Variants in DLGAP2 observed in about 807,000 individuals in gnomAD.
DLGAP2 encodes DLG associated protein 2.
DLGAP2 carries 26 observed loss-of-function variants against 100.3 expected under a neutral mutation model. The ratio of observed to expected loss-of-function variants is 0.26; its 90% CI spans 0.19 to 0.36. The LOEUF (loss-of-function observed/expected upper bound fraction) is 0.36. Ranked by LOEUF, DLGAP2 falls within the 10% of genes least tolerant of loss-of-function variation. The pLI is 1.00. For synonymous variants in DLGAP2, 886 were observed against 630.1 expected (o/e 1.41, Z -6.08); for missense variants, 1,858 against 1,453.2 (o/e 1.28, Z -4.53).
At chr8:1,695,880 C>T (rs371247594) in intron 13 of DLGAP2, among the ~76,000 whole-genome samples, 27 of 152,360 alleles carry the variant, frequency 1.8e-4, no homozygotes, top group African/African-American at 5.5e-4. Flanking sequence ...AGGCTGAGTT[C>T]GGGCTCCCAG....
At chr8:971,855 C>A (rs1563121287) in intron 2 of DLGAP2, among the ~76,000 whole-genome samples, 1 of 152,122 alleles carries the variant, frequency 6.6e-6, no homozygotes, top group Non-Finnish European at 1.5e-5. Flanking sequence ...CTTCCTTACA[C>A]AGGGGGAAGA....
chr8:1,382,015 CT>C, intron 3 of DLGAP2, among the ~76,000 whole-genome samples: 1 of 152,024 alleles, frequency 6.6e-6, no homozygotes, highest in Non-Finnish European at 1.5e-5. Context: ...ACAGTTGACC[CT>C]CATAAAAAAG....
intron 3 of DLGAP2, among the ~76,000 whole-genome samples, chr8:1,327,320 G>A (rs1167059280): frequency 6.6e-6 from 1 of 152,252 alleles, no homozygotes; most frequent in Admixed American, 6.5e-5. Flanking sequence ...CACACCTGTG[G>A]CTCCACGGGG....
chr8:1,298,449 G>T (rs1800245041), intron 3 of DLGAP2, among the ~76,000 whole-genome samples: 2 of 152,174 alleles, frequency 1.3e-5, no homozygotes. Flanking sequence ...CTGTACTGGG[G>T]TATAAATACG....
chr8:1,304,816 A>G (rs147266023), intron 3 of DLGAP2, among the ~76,000 whole-genome samples: 23 of 152,328 alleles, frequency 1.5e-4, no homozygotes, highest in Non-Finnish European at 3.4e-4. Context: ...ATCATCAATT[A>G]TAATAAATGC....
chr8:822,234 C>G (rs1796596759), intron 1 of DLGAP2: 1 of 399,274 alleles, frequency 2.5e-6, no homozygotes, highest in South Asian at 1.3e-4. Context: ...GTGTGTCCGT[C>G]TTGCGGTCCT....
chr8:1,237,823 G>C lies in DLGAP2; in HGVS notation c.74-21028G>C, dbSNP rs375204907. On this transcript the variant is annotated intron_variant, in intron 2 of 14. Coordinates refer to ENST00000637795, the MANE Select transcript of DLGAP2 (RefSeq NM_001346810.2). ...CTAGTTCTCTCTCACACAGAGCATC[G>C]TGTCTAGTTCTCTCACATGGCGCCA... Among the ~76,000 whole-genome samples, 6 of 5,534 alleles carry C rather than the reference G, an allele frequency of 1.1e-3. 2 individuals are homozygous for C. The African/African-American group carries it at 0.012, about 11-fold the overall frequency. The allele number at this position is 5,534 out of a possible 152,430, so 3.6% of individuals were successfully genotyped here.
chr8:847,876 CCTTTA>C (rs1797100108), intron 1 of DLGAP2, among the ~76,000 whole-genome samples: 1 of 152,026 alleles, frequency 6.6e-6, no homozygotes, highest in South Asian at 2.1e-4. Context: ...ATTTTTTTCC[CCTTTA>C]CTTTCTTCTG....
intron 2 of DLGAP2, among the ~76,000 whole-genome samples, chr8:1,200,281 C>T (rs866683286): frequency 9.9e-5 from 15 of 152,226 alleles, no homozygotes; most frequent in African/African-American, 3.1e-4. Flanking sequence ...GCGCCGTCTC[C>T]AGCCTCTTGC....
At chr8:1,676,006 C>T (rs1585053317) in intron 10 of DLGAP2, among the ~76,000 whole-genome samples, 1 of 152,176 alleles carries the variant, frequency 6.6e-6, no homozygotes, top group Admixed American at 6.5e-5. Flanking sequence ...CCCTGCTGGC[C>T]ATCCTCTTAG....
chr8:1,180,627 C>T (rs1797363140), intron 2 of DLGAP2, among the ~76,000 whole-genome samples: 1 of 152,024 alleles, frequency 6.6e-6, no homozygotes, highest in African/African-American at 2.4e-5. Context: ...AGCACACCAT[C>T]AAGCGTGTCA....
chr8:1,185,536 C>T (rs145281176), intron 2 of DLGAP2, among the ~76,000 whole-genome samples: 38 of 152,226 alleles, frequency 2.5e-4, no homozygotes, highest in African/African-American at 8.7e-4. Flanking sequence ...AACCGTCATA[C>T]CATCATTCCA....
intron 2 of DLGAP2, among the ~76,000 whole-genome samples, chr8:1,255,652 CGCTGTGTGTGTGTCGTCTCCTGCCTGGGA>C (rs1799185831): frequency 1.3e-5 from 1 of 78,124 alleles, no homozygotes; most frequent in South Asian, 5.0e-4. Context: ...CCTGCCCGGG[CGCTGTGTGTGTGTCGTCTCCTGCCTGGGA>C]GCTGTGTGTG....
chr8:1,177,876 G>A (rs1475921531), intron 2 of DLGAP2, among the ~76,000 whole-genome samples: 1 of 152,172 alleles, frequency 6.6e-6, no homozygotes, highest in Non-Finnish European at 1.5e-5. Context: ...CACTGTGGGG[G>A]CTCCCTTTCA....
rs981751863 is a variant in DLGAP2, at chr8:954,730, G to T, written c.73+46764G>T. Among the ~76,000 whole-genome samples the T allele has an allele frequency of 5.3e-5, 8 of 152,158 alleles. No individual in the cohort carries two copies. In the East Asian group the frequency reaches 1.5e-3, roughly 29 times the overall value. On this transcript the variant is annotated intron_variant, in intron 2 of 14. Transcript: ENST00000637795. ...ATAATAAAAATCAAGGGACTAATTA[G>T]TTGAAAATGCATGACACTGGTTAGC... is the stretch of plus-strand genomic sequence containing the variant.
intron 3 of DLGAP2, among the ~76,000 whole-genome samples, chr8:1,494,800 A>G (rs1337986177): frequency 6.6e-6 from 1 of 152,058 alleles, no homozygotes; most frequent in Non-Finnish European, 1.5e-5. Context: ...ACACCACCAC[A>G]CCACAGAGCA....
At chr8:1,687,096 G>A (rs1799135135) in intron 12 of DLGAP2, among the ~76,000 whole-genome samples, 1 of 152,132 alleles carries the variant, frequency 6.6e-6, no homozygotes, top group Non-Finnish European at 1.5e-5. Context: ...CCATAGCTTA[G>A]GCAGACCCCA....
intron 1 of DLGAP2, among the ~76,000 whole-genome samples, chr8:804,029 A>C (rs1380587133): frequency 1.3e-5 from 2 of 152,052 alleles, no homozygotes; most frequent in Admixed American, 6.6e-5. Context: ...TGGATTTTAG[A>C]TTTATATGGT....
chr8:1,303,803 C>T (rs1334140712), intron 3 of DLGAP2, among the ~76,000 whole-genome samples: 3 of 152,086 alleles, frequency 2.0e-5, no homozygotes, highest in Non-Finnish European at 4.4e-5. Flanking sequence ...CTCGTCCAGC[C>T]CTGCGCTGCG....
Sources: allele counts gnomAD v4.1 joint callset (sites outside exome capture counted in the v4.1 genomes callset), GRCh38; gene constraint gnomAD v4.1.1; transcripts MANE v1.5; gene names NCBI Gene and HGNC (gene_info 2026-07-23, HGNC 2026-07-21).